AFG3L2: variants seen among roughly 807,000 people sequenced by gnomAD.
The protein encoded by AFG3L2 is AFG3 like matrix AAA peptidase subunit 2.
In AFG3L2, 54 loss-of-function variants were observed where a neutral mutation model predicts 94.5. The observed-to-expected ratio is 0.57, with a 90% CI of 0.46 to 0.72. AFG3L2 has a LOEUF of 0.72. AFG3L2 is among the 30% of genes least tolerant of loss of function. The pLI, the probability that AFG3L2 is intolerant of heterozygous loss-of-function variation, is 0.00. For synonymous variants in AFG3L2, 377 were observed against 365.5 expected, an observed-to-expected ratio of 1.03 and a Z score of -0.36; for missense variants, 754 against 994.9, an observed-to-expected ratio of 0.76 and a Z score of 3.26.
chr18:12,371,512 G>A, intron 2 of AFG3L2, 80 bp downstream of exon 2: 1 of 1,083,632 alleles, frequency 9.2e-7, no homozygotes, highest in Admixed American at 1.7e-5. Flanking sequence ...ATAAGTTGGA[G>A]GCAGGGGAAT....
In AFG3L2 at chr18:12,356,241, G is replaced by A. The variant is rs191036941; in HGVS notation, c.1164+453C>T. ...ATCTTGGTTCACTGCAACTTCTGCC[G>A]CCTGGGTTCAAGAGATTCTCCTGCC... On this transcript the variant is annotated intron_variant, in intron 9 of 16. Transcript: ENST00000269143. 4.1e-3 allele frequency among the ~76,000 whole-genome samples: 611 copies of A among 150,372 alleles called. 5 individuals are homozygous for A. Among genetic ancestry groups the A allele is most frequent in the Admixed American group, 0.022 (325 of 15,078 alleles).
chr18:12,352,869 C>T (rs1223911264), intron 10 of AFG3L2, 136 bp downstream of exon 10: 12 of 1,197,092 alleles, frequency 1.0e-5, no homozygotes, highest in South Asian at 7.6e-5. Context: ...GCAGGAGGAT[C>T]GCTTGAACCC....
chr18:12,357,790 G>C (rs1323325787), intron 8 of AFG3L2, among the ~76,000 whole-genome samples: 1 of 151,964 alleles, frequency 6.6e-6, no homozygotes. Flanking sequence ...GTAGAGACAG[G>C]GATTCACCAT....
chr18:12,353,010 A>G lies in AFG3L2; in HGVS notation c.1313T>C (p.Met438Thr), dbSNP rs746376727. The G allele has an allele frequency of 6.2e-7, 1 of 1,613,054 alleles. No homozygotes were observed. The highest frequency in any genetic ancestry group is 8.5e-7 in the Non-Finnish European group (1 of 1,179,826). Reference sequence around the variant, plus strand: ...CAAAAGCCTTGACCACTCACCATCCATCTCCACCAGCAGCTGGTTGAGTGT... The same window carrying G: ...CAAAAGCCTTGACCACTCACCATCCGTCTCCACCAGCAGCTGGTTGAGTGT... ...ENTLNQLLVE[M>T]DGFNTTTNVV... The change falls in exon 10 of 17, where the codon ATG (methionine) becomes ACG (threonine). Residue 438 changes from methionine (M) to threonine (T), a missense_variant. Around this residue, in one of 4 missense-constraint regions of AFG3L2, gnomAD observed 109 missense variants for 227.1 expected, o/e 0.48. Coordinates refer to ENST00000269143, the MANE Select transcript of AFG3L2 (RefSeq NM_006796.3).
At chr18:12,365,871 C>CTT (rs576247423) in intron 5 of AFG3L2, among the ~76,000 whole-genome samples, 3,554 of 113,722 alleles carry the variant, frequency 0.031, 325 homozygotes, top group African/African-American at 0.11. Flanking sequence ...TGCATCAATT[C>CTT]TTTTTTTTTT....
At chr18:12,333,959 T>C (rs147059705) in intron 16 of AFG3L2, among the ~76,000 whole-genome samples, 249 of 152,308 alleles carry the variant, frequency 1.6e-3, no homozygotes, top group African/African-American at 5.0e-3. Context: ...TGTTAACAGC[T>C]TCTTCACCTG....
At chr18:12,352,501 A>C (rs1006012911) in intron 10 of AFG3L2, among the ~76,000 whole-genome samples, 3 of 152,230 alleles carry the variant, frequency 2.0e-5, no homozygotes, top group African/African-American at 7.2e-5. Flanking sequence ...CTCTCTTAGT[A>C]AAAAAGTATT....
At chr18:12,342,552 G>C (rs1454158677) in intron 14 of AFG3L2, 1 of 152,078 alleles carries the variant, frequency 6.6e-6, no homozygotes, top group Non-Finnish European at 1.5e-5. Context: ...ATTTTGATGA[G>C]ATCCCACCTA....
Position 12,345,994 on chromosome 18 carries a change from C to T in AFG3L2, c.1664-1747G>A, listed in dbSNP as rs796684733. On this transcript the variant is annotated intron_variant, in intron 13 of 16. Transcript: ENST00000269143. Reference sequence around the variant, plus strand: ...GAAGCCCCACTCGTCTGGTTTTGTACCCTCTACTCAGATGAACTGTCAAAA... The same window carrying T: ...GAAGCCCCACTCGTCTGGTTTTGTATCCTCTACTCAGATGAACTGTCAAAA... Among the ~76,000 whole-genome samples, 49 of 152,280 alleles carry T rather than the reference C, an allele frequency of 3.2e-4. 1 individual carries two copies. Among genetic ancestry groups the T allele is most frequent in the African/African-American group, 1.1e-3 (46 of 41,558 alleles).
At chr18:12,353,418 G>A (rs973050628) in intron 9 of AFG3L2, among the ~76,000 whole-genome samples, 3 of 151,110 alleles carry the variant, frequency 2.0e-5, no homozygotes, top group Non-Finnish European at 4.4e-5. Flanking sequence ...GGAGGCTGAG[G>A]CAGGAGAATC....
chr18:12,369,777 C>G (rs907943611), intron 3 of AFG3L2, among the ~76,000 whole-genome samples: 3 of 148,988 alleles, frequency 2.0e-5, no homozygotes, highest in Middle Eastern at 7.4e-3. Context: ...CAAGGATGGG[C>G]CGGGCATGGT....
At chr18:12,361,387 G>A (rs776071000) in intron 6 of AFG3L2, among the ~76,000 whole-genome samples, 32 of 152,246 alleles carry the variant, frequency 2.1e-4, no homozygotes, top group East Asian at 1.9e-4. Flanking sequence ...AGTGGCTCAC[G>A]CCTGTAATTC....
intron 1 of AFG3L2, among the ~76,000 whole-genome samples, chr18:12,372,984 AT>A (rs946702003): frequency 6.6e-6 from 1 of 152,250 alleles, no homozygotes; most frequent in African/African-American, 2.4e-5. Context: ...GCATAACTTT[AT>A]GAATATGTTA....
At chr18:12,350,993 G>A in intron 12 of AFG3L2, 92 bp downstream of exon 12, 1 of 1,532,688 alleles carries the variant, frequency 6.5e-7, no homozygotes, top group Non-Finnish European at 9.0e-7. Context: ...CCACAGTAAA[G>A]AAGTGAAAAG....
intron 6 of AFG3L2, among the ~76,000 whole-genome samples, chr18:12,361,942 C>G (rs1908674623): frequency 6.6e-6 from 1 of 152,212 alleles, no homozygotes; most frequent in Admixed American, 6.5e-5. Flanking sequence ...GGGCAATGGG[C>G]CAAACGCCTG....
Position 12,329,367 on chromosome 18 carries a change from A to ACTT in AFG3L2, c.*197_*198insAAG. 1 of 678,072 alleles carries ACTT rather than the reference A, an allele frequency of 1.5e-6. No homozygotes were observed. The highest frequency in any genetic ancestry group is 1.6e-5 in the South Asian group (1 of 61,380). The allele number at this position is 678,072 out of a possible 1,614,324, so 42.0% of individuals were successfully genotyped here. On this transcript the variant is annotated 3_prime_UTR_variant, in exon 17 of 17. Transcript: ENST00000269143. ...TATGGGACAGTGTGCATTTCCCTCA[A>ACTT]GGCCTCCGGAAAGTCACCTGCCACC...
intron 8 of AFG3L2, 51 bp from the exon 9 acceptor site, chr18:12,356,882 A>T (rs1908513583): frequency 1.3e-6 from 2 of 1,568,220 alleles, no homozygotes; most frequent in South Asian, 1.1e-5. Context: ...CAGAAAAGTA[A>T]ATTGTGTATC....
chr18:12,355,919 G>A (rs1443065312), intron 9 of AFG3L2, among the ~76,000 whole-genome samples: 1 of 151,990 alleles, frequency 6.6e-6, no homozygotes, highest in African/African-American at 2.4e-5. Context: ...TGATCCGCCT[G>A]CCTTGGCCTC....
At chr18:12,330,991 C>G (rs1197233384) in intron 16 of AFG3L2, among the ~76,000 whole-genome samples, 1 of 152,232 alleles carries the variant, frequency 6.6e-6, no homozygotes, top group African/African-American at 2.4e-5. Context: ...AAATGCCCAG[C>G]AGTAGCCAAT....
Sources: allele counts gnomAD v4.1 joint callset (sites outside exome capture counted in the v4.1 genomes callset), GRCh38; gene constraint gnomAD v4.1.1; regional missense constraint gnomAD v4.1.1; transcripts MANE v1.5; gene names NCBI Gene and HGNC (gene_info 2026-07-23, HGNC 2026-07-21).